Variants in HEXD observed in about 807,000 individuals in gnomAD.
HEXD encodes the protein N-acetyl-beta-galactosaminidase.
Under a neutral mutation model 54.2 loss-of-function variants are expected in HEXD, and 47 were observed. That is an observed-to-expected ratio of 0.87 (90% confidence interval 0.69 to 1.11). The LOEUF (loss-of-function observed/expected upper bound fraction) is 1.11, where lower values mean the gene tolerates loss of function less well. Ranked by LOEUF, HEXD falls within the 50% of genes least tolerant of loss-of-function variation. The probability of loss-of-function intolerance (pLI) is 0.00; values close to 1 mark genes in which losing one functional copy is unlikely to be tolerated. For missense variants in HEXD, 576 were observed against 649.2 expected, an observed-to-expected ratio of 0.89 and a Z score of 1.23; for synonymous variants, 293 against 287.6, an observed-to-expected ratio of 1.02 and a Z score of -0.19.
chr17:82,436,649 C>A lies in HEXD; in HGVS notation c.632-18C>A. On this transcript the variant is annotated intron_variant, in intron 6 of 12. Transcript: ENST00000327949. ...TGGTCCAGGTGTCTCACCAACCTCA[C>A]GTCCGCTCTGTCTGCAGCGTCCGGG... 3 of 1,601,372 alleles carry A rather than the reference C, an allele frequency of 1.9e-6. No homozygotes were observed. Among genetic ancestry groups the A allele is most frequent in the Non-Finnish European group, 2.6e-6 (3 of 1,175,876 alleles).
rs1424029394 is a variant in HEXD, at chr17:82,424,385, A to G, written c.85-9A>G. 116 of 1,599,898 alleles carry G rather than the reference A, an allele frequency of 7.3e-5. No homozygotes were observed. Among genetic ancestry groups the G allele is most frequent in the Non-Finnish European group, 9.8e-5 (115 of 1,167,770 alleles). On this transcript the variant is annotated splice_polypyrimidine_tract_variant and intron_variant, in intron 2 of 12. Transcript: ENST00000327949. ...ACTTCTTCCTAACCCCTCCCTGTTT[A>G]CCCCCCAGATTTTTCCTCTGTTCCG...
intron 9 of HEXD, 44 bp from the exon 10 acceptor site, chr17:82,440,953 C>A: frequency 6.2e-7 from 1 of 1,609,366 alleles, no homozygotes; most frequent in Non-Finnish European, 8.5e-7. Flanking sequence ...CCCCTCCCCT[C>A]CTCCAGAGGC....
chr17:82,440,980 C>T lies in HEXD; in HGVS notation c.983-17C>T, dbSNP rs754610150. On this transcript the variant is annotated splice_polypyrimidine_tract_variant and intron_variant, in intron 9 of 12. Transcript: ENST00000327949. ...TCCAGAGGCCCCTCCAACCGCCCCG[C>T]TCATTTGTGATTTCAGGAGGATTTG... The T allele has an allele frequency of 2.5e-6, 4 of 1,613,220 alleles. No individual in the cohort carries two copies. Among genetic ancestry groups the T allele is most frequent in the African/African-American group, 1.3e-5 (1 of 74,922 alleles).
Position 82,439,625 on chromosome 17 carries a change from A to G in HEXD, c.900-6A>G. 1 of 1,539,512 alleles carries G rather than the reference A, an allele frequency of 6.5e-7. No homozygotes were observed. Among genetic ancestry groups the G allele is most frequent in the Non-Finnish European group, 8.8e-7 (1 of 1,141,952 alleles). The stretch of plus-strand genomic sequence containing the variant: ...GCGGAGCTAAGCGCCCCTCTCATGG[A>G]CCCAGGTACGACCACTACTCTGTGC... On this transcript the variant is annotated splice_region_variant and splice_polypyrimidine_tract_variant and intron_variant, in intron 8 of 12. Transcript: ENST00000327949.
chr17:82,438,879 A>C (rs1490800788), intron 8 of HEXD, among the ~76,000 whole-genome samples: 5 of 152,238 alleles, frequency 3.3e-5, no homozygotes, highest in African/African-American at 1.2e-4. Flanking sequence ...TGCATAAACC[A>C]GGATCGTCCA....
At chr17:82,440,696 G>C in intron 9 of HEXD, 1 of 459,822 alleles carries the variant, frequency 2.2e-6, no homozygotes, top group Non-Finnish European at 3.9e-6. Flanking sequence ...ACACCTGTGT[G>C]GGTCGGGCTG....
chr17:82,424,973 AGGCCAGAGAAGGCTG>A (rs2053357619), intron 3 of HEXD, among the ~76,000 whole-genome samples: 1 of 151,258 alleles, frequency 6.6e-6, no homozygotes, highest in South Asian at 2.1e-4. Context: ...AGGTTAGAGA[AGGCCAGAGAAGGCTG>A]GGCTAGAGAA....
intron 9 of HEXD, chr17:82,440,219 C>T (rs1462579346): frequency 6.2e-6 from 8 of 1,289,494 alleles, no homozygotes; most frequent in East Asian, 5.5e-5. Context: ...TGTGGAAACT[C>T]GCAGGCCACA....
intron 9 of HEXD, chr17:82,440,257 A>G (rs954775910): frequency 7.8e-7 from 1 of 1,287,606 alleles, no homozygotes; most frequent in East Asian, 5.6e-5. Context: ...CGTGGTGCTG[A>G]TGCAGAAAGA....
rs140475413 is a variant in HEXD, at chr17:82,435,535, C to T, written c.448-154C>T. Reference sequence around the variant, plus strand: ...CAGGGCTCAGTGAGGAAGACAGGGACACGCTGGGGGTGGTAAGCAAAGGCT... The same window carrying T: ...CAGGGCTCAGTGAGGAAGACAGGGATACGCTGGGGGTGGTAAGCAAAGGCT... On this transcript the variant is annotated intron_variant, in intron 5 of 12. Coordinates refer to ENST00000327949, the MANE Select transcript of HEXD (RefSeq NM_001330542.2). Among the ~76,000 whole-genome samples the T allele has an allele frequency of 3.0e-3, 458 of 152,282 alleles. 1 individual carries two copies. Among genetic ancestry groups the T allele is most frequent in the African/African-American group, 0.01 (432 of 41,578 alleles).
Position 82,435,719 on chromosome 17 carries a change from C to A in HEXD, c.478C>A (p.Arg160Ser). Residue 160 changes from arginine (R) to serine (S), a missense_variant, in exon 6 of 13, where the codon CGC becomes AGC. Arg to Ser is a moderately radical substitution (Grantham distance 110, BLOSUM62 -1). Coordinates refer to ENST00000327949, the MANE Select transcript of HEXD (RefSeq NM_001330542.2). ...VYYLGEGEAS[R>S]RWLQQEQNST... is the part of the protein sequence containing the mutation. ...TTACCTCGGAGAGGGGGAGGCCTCG[C>A]GCCGGTGGCTACAGCAAGAGCAGAA... 1 of 1,612,678 alleles carries A rather than the reference C, an allele frequency of 6.2e-7. No individual in the cohort carries two copies. The highest frequency in any genetic ancestry group is 8.5e-7 in the Non-Finnish European group (1 of 1,179,654).
intron 5 of HEXD, 55 bp from the exon 6 acceptor site, chr17:82,435,634 C>G (rs990468055): frequency 6.4e-7 from 1 of 1,552,268 alleles, no homozygotes; most frequent in Admixed American, 1.7e-5. Context: ...ACCCCGGACC[C>G]TCCCACCGGT....
Position 82,433,786 on chromosome 17 carries a change from C to T in HEXD, c.411C>T (p.His137=), listed in dbSNP as rs745681506. The change falls in exon 5 of 13, where the codon CAC becomes CAT. Residue 137 remains histidine (H), a synonymous_variant. Transcript: ENST00000327949. ...TGATTGACCAGGTCCTGGAGCTACA[C>T]CCAGGCGCCCAGCGGCTGCACATCG... ...GAMIDQVLEL[H]PGAQRLHIGC... is the part of the protein sequence containing the mutation. 1.9e-6 allele frequency: 3 copies of T among 1,612,844 alleles called. No individual in the cohort carries two copies. Among genetic ancestry groups the T allele is most frequent in the Non-Finnish European group, 2.5e-6 (3 of 1,179,704 alleles).
intron 4 of HEXD, among the ~76,000 whole-genome samples, chr17:82,433,128 A>ATATTTTTTT (rs71168109): frequency 7.6e-4 from 10 of 13,072 alleles, no homozygotes; most frequent in Non-Finnish European, 1.2e-3. Context: ...ATATATATAT[A>ATATTTTTTT]TTTTTTTTTT....
chr17:82,431,430 AT>A (rs879289678), intron 4 of HEXD, among the ~76,000 whole-genome samples: 1,897 of 134,436 alleles, frequency 0.014, 43 homozygotes, highest in African/African-American at 0.045. Context: ...CTAAGTGCTA[AT>A]TTTTTTTTTT....
chr17:82,424,558 G>T, intron 3 of HEXD, 55 bp downstream of exon 3: 1 of 1,289,150 alleles, frequency 7.8e-7, no homozygotes, highest in Admixed American at 1.7e-5. Context: ...GGAAGGGGGG[G>T]TTCCGCAGGG....
chr17:82,442,483 C>G lies in HEXD; in HGVS notation c.*99C>G, dbSNP rs377481875. ...CGGGCCCACGTGGGCGTCGTGCCCT[C>G]TGGCCCAGCAGTGTCTTGCCCACAC... On this transcript the variant is annotated 3_prime_UTR_variant, in exon 13 of 13. Transcript: ENST00000327949. The surrounding 1 kb of genome is among the most constrained non-coding windows in gnomAD (Gnocchi z 6.8). 2 of 1,604,888 alleles carry G rather than the reference C, an allele frequency of 1.2e-6. No homozygotes were observed. Among genetic ancestry groups the G allele is most frequent in the East Asian group, 2.2e-5 (1 of 44,500 alleles).
At chr17:82,422,837 ACC>A (rs1257172708) in intron 2 of HEXD, among the ~76,000 whole-genome samples, 1 of 152,136 alleles carries the variant, frequency 6.6e-6, no homozygotes, top group African/African-American at 2.4e-5. Flanking sequence ...AGGGTGGATC[ACC>A]TGAGGTCAGG....
rs780539275 is a variant in HEXD at position 82,442,335 on chromosome 17, C to T, written c.1412C>T (p.Pro471Leu). 3 of 1,610,890 alleles carry T rather than the reference C, an allele frequency of 1.9e-6. No homozygotes were observed. Among genetic ancestry groups the T allele is most frequent in the African/African-American group, 2.7e-5 (2 of 75,044 alleles). The stretch of plus-strand genomic sequence containing the variant: ...CAGGACCTCAGCGAGGTGTCTGCCC[C>T]CCCGCTGCCACCCACCAGCCCTGGC... ...LLQDLSEVSA[P>L]PLPPTSPGRD... is the part of the protein sequence containing the mutation. Residue 471 changes from proline (P) to leucine (L), a missense_variant, in exon 13 of 13, where the codon CCC becomes CTC. Transcript: ENST00000327949. The surrounding 1 kb of genome is among the most constrained non-coding windows in gnomAD (Gnocchi z 6.8).
Sources: allele counts gnomAD v4.1 joint callset (sites outside exome capture counted in the v4.1 genomes callset), GRCh38; gene constraint gnomAD v4.1.1; non-coding constraint Gnocchi (gnomAD v3.1); transcripts MANE v1.5; gene names NCBI Gene and HGNC (gene_info 2026-07-23, HGNC 2026-07-21).